TRPC5: variants seen among roughly 807,000 people sequenced by gnomAD.
TRPC5 encodes transient receptor potential cation channel subfamily C member 5, also known as short transient receptor potential channel 5.
TRPC5 carries 9 observed loss-of-function variants against 56.5 expected under a neutral mutation model. The ratio of observed to expected loss-of-function variants is 0.16; its 90% confidence interval spans 0.10 to 0.28. The LOEUF (loss-of-function observed/expected upper bound fraction) is 0.28, where lower values mean the gene tolerates loss of function less well. TRPC5 is among the 10% of genes least tolerant of loss of function. TRPC5 has a pLI of 1.00. For synonymous variants in TRPC5, 282 were observed against 278.5 expected, an observed-to-expected ratio of 1.01 and a Z score of -0.13; for missense variants, 469 against 748.9, an observed-to-expected ratio of 0.63 and a Z score of 4.36.
intron 1 of TRPC5, among the ~76,000 whole-genome samples, chrX:111,982,973 T>A (rs1371000195): frequency 9.0e-6 from 1 of 111,223 alleles, no homozygotes; most frequent in Non-Finnish European, 1.9e-5. Flanking sequence ...AAAAGTATTG[T>A]TACCAAGTTG....
At chrX:111,883,665 G>A (rs768787840) in intron 3 of TRPC5, among the ~76,000 whole-genome samples, 4 of 111,506 alleles carry the variant, frequency 3.6e-5, no homozygotes, top group Non-Finnish European at 5.7e-5. Flanking sequence ...AGACCTCATC[G>A]GTGTATTGTT....
chrX:111,806,023 T>C (rs960892617), intron 7 of TRPC5, among the ~76,000 whole-genome samples: 4 of 70,892 alleles, frequency 5.6e-5, no homozygotes, highest in Non-Finnish European at 7.8e-5. Context: ...ATTCAAAGCA[T>C]GTGATAATAC....
rs181656867 is a variant in TRPC5, at chrX:111,968,864, T to C, written c.-21-16423A>G. ...GGGGGAGGGATAGCATTTGGAGATA[T>C]ACCTAATGCTAAATGATGAGTTAAT... On this transcript the variant is annotated intron_variant, in intron 1 of 10. Transcript: ENST00000262839. Among the ~76,000 whole-genome samples the C allele has an allele frequency of 2.9e-5, 3 of 102,031 alleles. No homozygotes were observed. In the East Asian group the frequency reaches 1.0e-3, roughly 34 times the overall value. The allele number at this position is 102,031 out of a possible 115,157, so 88.6% of individuals were successfully genotyped here.
At position 112,035,012 on chromosome X, in the gene TRPC5, T is replaced by C. The variant is rs1055423594; in HGVS notation, c.-22+46867A>G. Among the ~76,000 whole-genome samples, 17 of 109,322 alleles carry C rather than the reference T, an allele frequency of 1.6e-4. 1 individual carries two copies. Among genetic ancestry groups the C allele is most frequent in the Non-Finnish European group, 9.5e-5 (5 of 52,588 alleles). 94.9% of individuals were successfully genotyped at this position (109,322 alleles called of 115,157 possible). A position where few individuals can be genotyped will look rare whatever the true frequency, so the allele number is the denominator to read the frequency against. ...TTTCCTTCCTTCTGCTAGCTTTGGG[T>C]TTGCTTTATTCTTCTTTTTCTATTT... On this transcript the variant is annotated intron_variant, in intron 1 of 10. Transcript: ENST00000262839.
intron 2 of TRPC5, among the ~76,000 whole-genome samples, chrX:111,920,664 G>A (rs773891639): frequency 8.1e-5 from 9 of 111,254 alleles, no homozygotes; most frequent in Non-Finnish European, 1.7e-4. Flanking sequence ...CTGAGCGGGG[G>A]GTATTTACAT....
intron 3 of TRPC5, among the ~76,000 whole-genome samples, chrX:111,898,192 T>A (rs1175961215): frequency 9.4e-6 from 1 of 106,272 alleles, no homozygotes. Context: ...TCTGTTCAGA[T>A]CTTTTGGCCA....
intron 6 of TRPC5, among the ~76,000 whole-genome samples, chrX:111,846,674 T>C: frequency 8.9e-6 from 1 of 112,083 alleles, no homozygotes; most frequent in South Asian, 3.7e-4. Context: ...TGCATTAAGA[T>C]ATGTTTGCAT....
At chrX:111,849,421 A>G (rs1214997179) in intron 5 of TRPC5, among the ~76,000 whole-genome samples, 1 of 112,642 alleles carries the variant, frequency 8.9e-6, no homozygotes, top group Non-Finnish European at 1.9e-5. Context: ...TGTGGGCTCT[A>G]TGGTTCCCAT....
chrX:112,021,023 C>T (rs529758065), intron 1 of TRPC5, among the ~76,000 whole-genome samples: 2 of 108,656 alleles, frequency 1.8e-5, no homozygotes, highest in African/African-American at 6.7e-5. Context: ...TTCCTCGTTA[C>T]CACCTCCATC....
At chrX:111,923,850 C>T (rs1352297025) in intron 2 of TRPC5, among the ~76,000 whole-genome samples, 1 of 112,040 alleles carries the variant, frequency 8.9e-6, no homozygotes, top group Admixed American at 9.5e-5. Context: ...GCGTCCCTAG[C>T]ATTGCACAGA....
At chrX:112,029,720 T>C (rs903620054) in intron 1 of TRPC5, among the ~76,000 whole-genome samples, 1 of 111,763 alleles carries the variant, frequency 8.9e-6, no homozygotes, top group African/African-American at 3.3e-5. Context: ...AACTTTCAAA[T>C]TGAGACAGAA....
intron 7 of TRPC5, among the ~76,000 whole-genome samples, chrX:111,807,022 G>A (rs1314616871): frequency 1.8e-5 from 2 of 111,393 alleles, no homozygotes; most frequent in East Asian, 5.6e-4. Flanking sequence ...CCTTTGGGAA[G>A]AATTTGATTA....
At chrX:111,844,396 T>A (rs1301260946) in intron 6 of TRPC5, among the ~76,000 whole-genome samples, 2 of 111,214 alleles carry the variant, frequency 1.8e-5, no homozygotes, top group Non-Finnish European at 3.8e-5. Context: ...GCAAGGACAA[T>A]GAGTTTCCCT....
chrX:111,888,131 A>T (rs1301376191), intron 3 of TRPC5, among the ~76,000 whole-genome samples: 1 of 111,582 alleles, frequency 9.0e-6, no homozygotes, highest in Non-Finnish European at 1.9e-5. Context: ...CAGGCAGAAT[A>T]GCCAGTATAA....
chrX:111,786,809 G>A (rs1162624411), intron 7 of TRPC5, among the ~76,000 whole-genome samples: 1 of 111,393 alleles, frequency 9.0e-6, no homozygotes, highest in Non-Finnish European at 1.9e-5. Context: ...AAGATCTAAA[G>A]AGACAAAGAA....
At chrX:111,824,906 T>C (rs1449467772) in intron 7 of TRPC5, among the ~76,000 whole-genome samples, 1 of 111,515 alleles carries the variant, frequency 9.0e-6, no homozygotes, top group Non-Finnish European at 1.9e-5. Context: ...CAATCCCCGC[T>C]GGTGTGCAAG....
At chrX:111,922,608 ATG>A (rs999449138) in intron 2 of TRPC5, among the ~76,000 whole-genome samples, 1 of 112,324 alleles carries the variant, frequency 8.9e-6, no homozygotes, top group African/African-American at 3.2e-5. Context: ...GTGGTGATGT[ATG>A]TGTTACTTTG....
In TRPC5 at chrX:111,807,956, C is replaced by CTCTGTGTGTGTGTGTGTG. The variant is rs905386723; in HGVS notation, c.1897-25819_1897-25818insCACACACACACACACAGA. On this transcript the variant is annotated intron_variant, in intron 7 of 10. Coordinates refer to ENST00000262839, the MANE Select transcript of TRPC5 (RefSeq NM_012471.3). ...AAATGGAGTCTCTCTCTCTCTCTCT[C>CTCTGTGTGTGTGTGTGTG]TGTGTGTGTGTGTGTGTGTGTGTGT... 4.2e-4 allele frequency among the ~76,000 whole-genome samples: 39 copies of CTCTGTGTGTGTGTGTGTG among 91,922 alleles called. 1 individual carries two copies. The highest frequency in any genetic ancestry group is 1.8e-3 in the African/African-American group (35 of 19,870). 79.8% of individuals were successfully genotyped at this position (91,922 alleles called of 115,157 possible).
chrX:111,920,660 G>T lies in TRPC5; in HGVS notation c.379-7848C>A, dbSNP rs142039889. On this transcript the variant is annotated intron_variant, in intron 2 of 10. Coordinates refer to ENST00000262839, the MANE Select transcript of TRPC5 (RefSeq NM_012471.3). ...AACAATATCTGGAGCTGTCCTGAGC[G>T]GGGGGTATTTACATTTTAACTGGTG... Among the ~76,000 whole-genome samples, 4 of 111,350 alleles carry T rather than the reference G, an allele frequency of 3.6e-5. No individual in the cohort carries two copies. In the East Asian group the frequency reaches 1.1e-3, roughly 31 times the overall value.
Sources: gnomAD v4.1 joint callset for allele counts (sites outside exome capture counted in the v4.1 genomes callset) on GRCh38, gnomAD v4.1.1 for gene constraint, MANE v1.5 for transcripts, NCBI Gene and HGNC (gene_info 2026-07-23, HGNC 2026-07-21) for gene names.